Variants in PTP4A1 observed in about 807,000 individuals in gnomAD.
The protein encoded by PTP4A1 is protein tyrosine phosphatase type IVA 1.
In PTP4A1, 9 loss-of-function variants were observed where a neutral mutation model predicts 20.5. The observed-to-expected ratio is 0.44, with a 90% CI of 0.26 to 0.77. PTP4A1 has a LOEUF of 0.77. PTP4A1 is among the 30% of genes least tolerant of loss of function. The probability of loss-of-function intolerance (pLI) is 0.19; values close to 1 mark genes in which losing one functional copy is unlikely to be tolerated. For missense variants in PTP4A1, 137 were observed against 218.8 expected (o/e 0.63, Z 2.36); for synonymous variants, 78 against 67.4 (o/e 1.16, Z -0.77).
intron 2 of PTP4A1, among the ~76,000 whole-genome samples, chr6:63,540,415 G>A (rs1775908207): frequency 6.6e-6 from 1 of 152,132 alleles, no homozygotes; most frequent in African/African-American, 2.4e-5. Flanking sequence ...GAGGTCAGGA[G>A]TTTGAGACCA....
chr6:63,527,642 T>G (rs1562111807), intron 1 of PTP4A1, among the ~76,000 whole-genome samples: 1 of 152,192 alleles, frequency 6.6e-6, no homozygotes, highest in African/African-American at 2.4e-5. Flanking sequence ...CCAAGAAAAC[T>G]GAGACTCTGA....
At chr6:63,567,039 T>C (rs1364119700) in intron 3 of PTP4A1, among the ~76,000 whole-genome samples, 1 of 152,216 alleles carries the variant, frequency 6.6e-6, no homozygotes, top group Non-Finnish European at 1.5e-5. Flanking sequence ...AGTCAACTCT[T>C]CAGACTCTGT....
At chr6:63,531,032 T>C (rs1413131605) in intron 2 of PTP4A1, among the ~76,000 whole-genome samples, 1 of 152,238 alleles carries the variant, frequency 6.6e-6, no homozygotes, top group Non-Finnish European at 1.5e-5. Flanking sequence ...GAGCTTTGCT[T>C]GTGAAAATTC....
chr6:63,530,076 TAAC>T (rs1355071057), intron 2 of PTP4A1, among the ~76,000 whole-genome samples: 1 of 151,958 alleles, frequency 6.6e-6, no homozygotes, highest in African/African-American at 2.4e-5. Context: ...GCAAGGATAA[TAAC>T]AGTATAGATT....
rs1778075300 is a variant in PTP4A1 at position 63,579,387 on chromosome 6, CAGTG to C, written c.404+60_404+63del. 2 of 1,376,648 alleles carry C rather than the reference CAGTG, an allele frequency of 1.5e-6. 1 individual carries two copies. The highest frequency in any genetic ancestry group is 2.5e-5 in the South Asian group (2 of 78,798). 85.3% of individuals were successfully genotyped at this position (1,376,648 alleles called of 1,614,324 possible). On this transcript the variant is annotated intron_variant, in intron 5 of 5. Coordinates refer to ENST00000626021, the MANE Select transcript of PTP4A1 (RefSeq NM_003463.5). ...TCTCTTTCATTTCCTTGTTGAGTGT[CAGTG>C]AGTTTAATAGTCTAATAGCCCATTT... is the stretch of plus-strand genomic sequence containing the variant.
intron 2 of PTP4A1, among the ~76,000 whole-genome samples, chr6:63,531,735 C>T (rs1276127666): frequency 1.3e-5 from 2 of 152,058 alleles, no homozygotes; most frequent in Admixed American, 1.3e-4. Context: ...AAGTGACCCA[C>T]CTGTCTTGGC....
At chr6:63,560,719 T>C (rs565716400) in intron 3 of PTP4A1, among the ~76,000 whole-genome samples, 38 of 152,310 alleles carry the variant, frequency 2.5e-4, no homozygotes, top group Admixed American at 3.9e-4. Context: ...GCCTAATTTT[T>C]GAAATTAAGT....
chr6:63,526,604 T>G (rs1775188542), intron 1 of PTP4A1, among the ~76,000 whole-genome samples: 1 of 151,474 alleles, frequency 6.6e-6, no homozygotes, highest in African/African-American at 2.4e-5. Flanking sequence ...GGTAAGGAGA[T>G]CGAGACCATC....
chr6:63,542,571 A>T (rs1776027792), intron 2 of PTP4A1, among the ~76,000 whole-genome samples: 1 of 151,968 alleles, frequency 6.6e-6, no homozygotes, highest in South Asian at 2.1e-4. Context: ...ATCTCTCTTC[A>T]GTTCAGTTTT....
intron 2 of PTP4A1, among the ~76,000 whole-genome samples, chr6:63,539,538 G>A (rs920705108): frequency 6.6e-6 from 1 of 152,176 alleles, no homozygotes; most frequent in African/African-American, 2.4e-5. Flanking sequence ...AGCACTTTGG[G>A]AGGCTGAGGC....
At chr6:63,567,839 T>TTC (rs1279030689), upstream of PTP4A1, among the ~76,000 whole-genome samples, 6 of 152,252 alleles carry the variant, frequency 3.9e-5, no homozygotes, top group Non-Finnish European at 8.8e-5. Flanking sequence ...TGGCTAAATC[T>TTC]TCTCAATAAC....
At chr6:63,521,288 T>C (rs1774917393), upstream of PTP4A1, among the ~76,000 whole-genome samples, 1 of 152,196 alleles carries the variant, frequency 6.6e-6, no homozygotes, top group South Asian at 2.1e-4. Flanking sequence ...AATTTTTTAG[T>C]GTTGCACAGA....
At chr6:63,524,411 A>G (rs1305789608) in intron 1 of PTP4A1, among the ~76,000 whole-genome samples, 2 of 152,230 alleles carry the variant, frequency 1.3e-5, no homozygotes, top group African/African-American at 4.8e-5. Flanking sequence ...GCCACAGCAG[A>G]TGAATTTCTT....
chr6:63,520,207 T>C (rs1472423055), upstream of PTP4A1, among the ~76,000 whole-genome samples: 4 of 152,240 alleles, frequency 2.6e-5, no homozygotes, highest in African/African-American at 9.6e-5. Context: ...ATTCTACAAT[T>C]GGGAATATTT....
intron 2 of PTP4A1, among the ~76,000 whole-genome samples, chr6:63,533,735 T>C (rs1262808179): frequency 1.3e-5 from 2 of 152,140 alleles, no homozygotes; most frequent in African/African-American, 4.8e-5. Context: ...GCATATAGAC[T>C]AATGAGCAAT....
In PTP4A1 at chr6:63,526,803, GTATATATATATATATATATATA is replaced by G. The variant is rs376671990; in HGVS notation, c.-905-1004_-905-983del. 1.7e-4 allele frequency among the ~76,000 whole-genome samples: 17 copies of G among 101,442 alleles called. 1 individual carries two copies. Among genetic ancestry groups the G allele is most frequent in the African/African-American group, 7.4e-4 (17 of 22,986 alleles). The allele number at this position is 101,442 out of a possible 152,430, so 66.5% of individuals were successfully genotyped here. A position where few individuals can be genotyped will look rare whatever the true frequency, so the allele number is the denominator to read the frequency against. On this transcript the variant is annotated intron_variant, in intron 1 of 3. Coordinates refer to the PTP4A1 transcript ENST00000639568. ...CAGAGCAAGACTCTATCTCAAAAATGTATATATATATATATATATATATATATATATATTTATTTATTTATTC... is the reference window on the plus strand; with the variant it reads ...CAGAGCAAGACTCTATCTCAAAAATGTATATATATATTTATTTATTTATTC...
intron 2 of PTP4A1, among the ~76,000 whole-genome samples, chr6:63,531,133 C>A (rs1260021448): frequency 6.6e-6 from 1 of 152,176 alleles, no homozygotes; most frequent in Non-Finnish European, 1.5e-5. Flanking sequence ...AAAGTCCTCT[C>A]AGTTCTGCCT....
At position 63,580,146 on chromosome 6, in the gene PTP4A1, G is replaced by T; in HGVS notation, c.494G>T (p.Gly165Val). 3 of 1,612,722 alleles carry T rather than the reference G, an allele frequency of 1.9e-6. No individual in the cohort carries two copies. The highest frequency in any genetic ancestry group is 2.5e-6 in the Non-Finnish European group (3 of 1,178,972). Reference sequence around the variant, plus strand: ...CGGCTGCGTTTCAAAGATTCCAACGGTCATAGAAACAACTGTTGCATTCAA... The same window carrying T: ...CGGCTGCGTTTCAAAGATTCCAACGTTCATAGAAACAACTGTTGCATTCAA... ...KMRLRFKDSNGHRNNCCIQ is the reference protein window; with the variant it reads ...KMRLRFKDSNVHRNNCCIQ Residue 165 changes from glycine to valine, a missense_variant, in exon 6 of 6, where the codon GGT becomes GTT. Transcript: ENST00000626021.
chr6:63,562,901 G>A (rs1158640936), intron 3 of PTP4A1, among the ~76,000 whole-genome samples: 1 of 152,122 alleles, frequency 6.6e-6, no homozygotes, highest in African/African-American at 2.4e-5. Context: ...CTTTTCATCA[G>A]TGTGCCTATA....
Sources: allele counts gnomAD v4.1 joint callset (sites outside exome capture counted in the v4.1 genomes callset), GRCh38; gene constraint gnomAD v4.1.1; transcripts MANE v1.5; gene names NCBI Gene and HGNC (gene_info 2026-07-23, HGNC 2026-07-21).